The following ZNF732 variants were observed in gnomAD, a reference collection of about 807,000 sequenced individuals.
ZNF732 encodes zinc finger protein 732.
In ZNF732, 12 loss-of-function variants were observed where a neutral mutation model predicts 11.5. That is an observed-to-expected ratio of 1.05 (90% confidence interval 0.67 to 1.70). The LOEUF is 1.70. Ranked by LOEUF, ZNF732 falls within the 40% of genes most tolerant of loss-of-function variation. The pLI, the probability that ZNF732 is intolerant of heterozygous loss-of-function variation, is 0.00. For missense variants in ZNF732, 702 were observed against 676.9 expected (o/e 1.04, Z -0.41); for synonymous variants, 231 against 236.5 (o/e 0.98, Z 0.21).
In ZNF732 at chr4:305,301, C is replaced by T; in HGVS notation, c.3+7G>A. The T allele has an allele frequency of 6.2e-7, 1 of 1,607,572 alleles. No individual in the cohort carries two copies. The highest frequency in any genetic ancestry group is 8.5e-7 in the Non-Finnish European group (1 of 1,179,718). On this transcript the variant is annotated splice_region_variant and intron_variant, in intron 1 of 3. Transcript: ENST00000419098. ...CCAGCCTTGGGACGCCCTGCCCCCA[C>T]ACTCACCATTTCCCCACTTCAGGGG...
rs533816590 is a variant in ZNF732, at chr4:286,220, C to G, written c.226+9218G>C. ...CAAGAATTGTCAAAAAGAGAAACAT[C>G]AGAAGCATCATACATCATTACTTTA... On this transcript the variant is annotated intron_variant, in intron 3 of 3. Coordinates refer to ENST00000419098, the MANE Select transcript of ZNF732 (RefSeq NM_001137608.3). 1.6e-3 allele frequency among the ~76,000 whole-genome samples: 244 copies of G among 152,292 alleles called. 1 individual carries two copies. Among genetic ancestry groups the G allele is most frequent in the Non-Finnish European group, 2.8e-3 (192 of 68,030 alleles).
chr4:299,658 T>TTA lies in ZNF732; in HGVS notation c.4-3505_4-3504dup, dbSNP rs199992460. Among the ~76,000 whole-genome samples the TTA allele has an allele frequency of 1.9e-4, 27 of 141,814 alleles. No individual in the cohort carries two copies. In the South Asian group the frequency reaches 4.7e-3, roughly 25 times the overall value. 93.0% of individuals were successfully genotyped at this position (141,814 alleles called of 152,430 possible). A position where few individuals can be genotyped will look rare whatever the true frequency, so the allele number is the denominator to read the frequency against. ...TATATTTATATATTACATATGTAAA[T>TTA]TATATATATAATTTTTATATACATA... On this transcript the variant is annotated intron_variant, in intron 1 of 3. Transcript: ENST00000419098.
chr4:272,352 A>C lies in ZNF732; in HGVS notation c.505T>G (p.Phe169Val). ...RRIRHTGEKH[F>V]KECGKSFQKF... ...TGAAATGACTTGCCACATTCTTTAA[A>C]GTGTTTCTCTCCAGTATGTCTTATC... is the stretch of plus-strand genomic sequence containing the variant. Residue 169 changes from phenylalanine to valine, a missense_variant, in exon 4 of 4, where the codon TTT becomes GTT. Physicochemically the swap from Phe to Val is conservative, Grantham distance 50. This residue lies in a region of ZNF732 where 596 missense variants were observed against 557.9 expected (regional missense o/e 1.07). Transcript: ENST00000419098. The C allele has an allele frequency of 6.2e-7, 1 of 1,608,288 alleles. No homozygotes were observed. Among genetic ancestry groups the C allele is most frequent in the African/African-American group, 1.3e-5 (1 of 74,912 alleles).
chr4:301,963 C>G (rs147727740), intron 1 of ZNF732, among the ~76,000 whole-genome samples: 2 of 152,232 alleles, frequency 1.3e-5, no homozygotes, highest in African/African-American at 4.8e-5. Context: ...CCCATGATCA[C>G]GGAATCAGTG....
intron 3 of ZNF732, among the ~76,000 whole-genome samples, chr4:286,263 T>G (rs1553840591): frequency 6.6e-6 from 1 of 152,232 alleles, no homozygotes; most frequent in African/African-American, 2.4e-5. Flanking sequence ...ATTATGAAGC[T>G]ATAGTTATTG....
rs190235878 is a variant in ZNF732, at chr4:272,840, C to G, written c.227-210G>C. 3.9e-5 allele frequency among the ~76,000 whole-genome samples: 6 copies of G among 152,090 alleles called. No homozygotes were observed. In the East Asian group the frequency reaches 1.2e-3, roughly 29 times the overall value. On this transcript the variant is annotated intron_variant, in intron 3 of 3. Coordinates refer to ENST00000419098, the MANE Select transcript of ZNF732 (RefSeq NM_001137608.3). Reference sequence around the variant, plus strand: ...ATTTATAAATGAGTTACATGCAATGCCTCAGGTAAGCACAATGCCAAGAGC... The same window carrying G: ...ATTTATAAATGAGTTACATGCAATGGCTCAGGTAAGCACAATGCCAAGAGC...
Position 272,130 on chromosome 4 carries a change from C to T in ZNF732, c.727G>A (p.Val243Ile). Residue 243 changes from valine (V) to isoleucine (I), a missense_variant, in exon 4 of 4, where the codon GTT becomes ATT. Physicochemically the swap from Val to Ile is conservative, Grantham distance 29. Coordinates refer to ENST00000419098, the MANE Select transcript of ZNF732 (RefSeq NM_001137608.3). ...TTGTAAGATTTCTCTCCAGTATGAA[C>T]TTTATGTTTAGCAAAGTTTGAGGAT... ...TTSSNFAKHK[V>I]HTGEKSYKYE... 1 of 1,611,018 alleles carries T rather than the reference C, an allele frequency of 6.2e-7. No individual in the cohort carries two copies.
In ZNF732 at chr4:272,431, C is replaced by T. The variant is rs898874129; in HGVS notation, c.426G>A (p.Gln142=). 8.8e-6 allele frequency: 14 copies of T among 1,598,614 alleles called. No homozygotes were observed. Among genetic ancestry groups the T allele is most frequent in the African/African-American group, 1.3e-5 (1 of 74,620 alleles). ...CLSTIQSKIF[Q]CNVHVKVFST... ...TAAATACTTTGACATGTACATTACA[C>T]TGAAATATTTTGCTCTGGATAGTTG... Residue 142 remains glutamine (Q), a synonymous_variant, in exon 4 of 4, where the codon CAG becomes CAA. Coordinates refer to ENST00000419098, the MANE Select transcript of ZNF732 (RefSeq NM_001137608.3).
chr4:276,603 ATAAT>A (rs1719502089), intron 3 of ZNF732, among the ~76,000 whole-genome samples: 1 of 151,982 alleles, frequency 6.6e-6, no homozygotes, highest in South Asian at 2.1e-4. Context: ...AGTAGCAAAC[ATAAT>A]TAAAAAGGTG....
intron 3 of ZNF732, among the ~76,000 whole-genome samples, chr4:276,015 T>C (rs868990591): frequency 2.6e-5 from 4 of 151,710 alleles, no homozygotes; most frequent in Non-Finnish European, 3.0e-5. Flanking sequence ...TAAAAATATA[T>C]AAGATTTTAA....
Position 270,804 on chromosome 4 carries a change from CA to C in ZNF732, c.*294del. 1.7e-6 allele frequency: 1 copy of C among 582,964 alleles called. No individual in the cohort carries two copies. Among genetic ancestry groups the C allele is most frequent in the Non-Finnish European group, 3.2e-6 (1 of 311,246 alleles). The allele number at this position is 582,964 out of a possible 1,614,324, so 36.1% of individuals were successfully genotyped here. ...CCATATGAATTTTCTTATGTTCACT[CA>C]GGGTTGTGGACCATCTAAAAGCTTT... On this transcript the variant is annotated 3_prime_UTR_variant, in exon 4 of 4. Coordinates refer to ENST00000419098, the MANE Select transcript of ZNF732 (RefSeq NM_001137608.3).
Position 271,003 on chromosome 4 carries a change from T to A in ZNF732, c.*96A>T. ...TGGACCATCCAAAAGCTTTGCCACA[T>A]TCTTCACATTTGTATAGTTTATTTC... On this transcript the variant is annotated 3_prime_UTR_variant, in exon 4 of 4. Transcript: ENST00000419098. 12 of 1,021,706 alleles carry A rather than the reference T, an allele frequency of 1.2e-5. No homozygotes were observed. Among genetic ancestry groups the A allele is most frequent in the Non-Finnish European group, 1.6e-5 (11 of 692,760 alleles). 63.3% of individuals were successfully genotyped at this position (1,021,706 alleles called of 1,614,324 possible).
At chr4:303,617 A>G (rs1351564655) in intron 1 of ZNF732, among the ~76,000 whole-genome samples, 1 of 152,244 alleles carries the variant, frequency 6.6e-6, no homozygotes, top group East Asian at 1.9e-4. Flanking sequence ...CTCCGGCTCA[A>G]GAAAACAAAA....
Position 271,769 on chromosome 4 carries a change from T to C in ZNF732, c.1088A>G (p.Lys363Arg), listed in dbSNP as rs61792094. The C allele has an allele frequency of 3.7e-6, 6 of 1,612,046 alleles. No homozygotes were observed. The highest frequency in any genetic ancestry group is 2.7e-5 in the African/African-American group (2 of 74,814). ...KRIHTGEKPY[K>R]CEQCGKAFRQ... ...AAAGGCTTTGCCACATTGTTCACAT[T>C]TGTAGGGCTTCTCTCCAGTATGAAT... Residue 363 changes from lysine (K) to arginine (R), a missense_variant, in exon 4 of 4, where the codon AAA (lysine) becomes AGA (arginine). Lys to Arg is a conservative substitution (Grantham distance 26). Around this residue, in one of 3 missense-constraint regions of ZNF732, gnomAD observed 596 missense variants for 557.9 expected, o/e 1.07. Coordinates refer to ENST00000419098, the MANE Select transcript of ZNF732 (RefSeq NM_001137608.3).
At chr4:274,060 C>T (rs1389948913) in intron 3 of ZNF732, among the ~76,000 whole-genome samples, 3 of 151,712 alleles carry the variant, frequency 2.0e-5, no homozygotes, top group Admixed American at 6.6e-5. Context: ...CAAACATAAT[C>T]ATATGAAAAT....
intron 3 of ZNF732, among the ~76,000 whole-genome samples, chr4:277,130 C>A (rs1261866511): frequency 6.6e-6 from 1 of 151,890 alleles, no homozygotes; most frequent in Non-Finnish European, 1.5e-5. Flanking sequence ...CTACCTCTTA[C>A]AATATAAAAA....
At chr4:300,695 G>C (rs1031082231) in intron 1 of ZNF732, among the ~76,000 whole-genome samples, 28 of 152,100 alleles carry the variant, frequency 1.8e-4, no homozygotes, top group Non-Finnish European at 3.5e-4. Context: ...AAGACTTGGA[G>C]GGCTGGTGAG....
At chr4:289,113 T>C (rs564717568) in intron 3 of ZNF732, among the ~76,000 whole-genome samples, 4 of 152,338 alleles carry the variant, frequency 2.6e-5, no homozygotes, top group South Asian at 4.1e-4. Context: ...TCTCACATGG[T>C]AGAAGCAGGA....
chr4:284,327 TGAGTC>T (rs1553840270), intron 3 of ZNF732, among the ~76,000 whole-genome samples: 1 of 151,892 alleles, frequency 6.6e-6, no homozygotes, highest in African/African-American at 2.4e-5. Flanking sequence ...GAACAACTGA[TGAGTC>T]AAAGAAGAAA....
Sources: gnomAD v4.1 joint callset for allele counts (sites outside exome capture counted in the v4.1 genomes callset) on GRCh38, gnomAD v4.1.1 for gene constraint, gnomAD v4.1.1 regional missense constraint, MANE v1.5 for transcripts, NCBI Gene and HGNC (gene_info 2026-07-23, HGNC 2026-07-21) for gene names.